The following RASA2 variants were observed in gnomAD, a reference collection of about 807,000 sequenced individuals.
RASA2 encodes the protein RAS p21 protein activator 2.
A neutral mutation model predicts 118.2 loss-of-function variants in RASA2; 155 were observed. The ratio of observed to expected loss-of-function variants is 1.31; its 90% CI spans 1.15 to 1.50. RASA2 has a LOEUF of 1.50. Ranked by LOEUF, RASA2 falls within the 40% of genes most tolerant of loss-of-function variation. RASA2 has a pLI of 0.00. For synonymous variants in RASA2, 353 were observed against 349.1 expected, an observed-to-expected ratio of 1.01 and a Z score of -0.12; for missense variants, 1,016 against 1,009.6, an observed-to-expected ratio of 1.01 and a Z score of -0.09.
intron 4 of RASA2, among the ~76,000 whole-genome samples, chr3:141,530,105 G>T (rs1025128814): frequency 1.3e-5 from 2 of 152,040 alleles, no homozygotes; most frequent in African/African-American, 4.8e-5. Context: ...AGTTTTAAGG[G>T]AAAATATGTG....
chr3:141,614,582 G>T lies in RASA2; in HGVS notation c.*2269G>T, dbSNP rs1312487593. Reference sequence around the variant, plus strand: ...TCATCCTAAAAACCTAAAAACTCCAGGAAGGAAAGAAAAGGATGATATGGG... The same window carrying T: ...TCATCCTAAAAACCTAAAAACTCCATGAAGGAAAGAAAAGGATGATATGGG... On this transcript the variant is annotated 3_prime_UTR_variant, in exon 24 of 24. Transcript: ENST00000286364. The T allele has an allele frequency of 1.3e-5, 2 of 152,126 alleles. No homozygotes were observed. The highest frequency in any genetic ancestry group is 1.5e-5 in the Non-Finnish European group (1 of 68,020). 9.4% of individuals were successfully genotyped at this position (152,126 alleles called of 1,614,324 possible). A position where few individuals can be genotyped will look rare whatever the true frequency, so the allele number is the denominator to read the frequency against.
intron 3 of RASA2, among the ~76,000 whole-genome samples, chr3:141,526,425 C>G (rs180714817): frequency 6.6e-6 from 1 of 151,834 alleles, no homozygotes; most frequent in Non-Finnish European, 1.5e-5. Flanking sequence ...TCTCATTTAT[C>G]CTTCCACCTT....
At chr3:141,612,199 A>G (rs1239167695) in intron 23 of RASA2, 84 bp from the exon 24 acceptor site, 7 of 1,063,838 alleles carry the variant, frequency 6.6e-6, no homozygotes, top group African/African-American at 1.6e-5. Context: ...GGAAAATTCT[A>G]AATACTTAAT....
intron 9 of RASA2, among the ~76,000 whole-genome samples, chr3:141,566,042 C>T (rs979150420): frequency 9.2e-5 from 14 of 152,122 alleles, no homozygotes; most frequent in Non-Finnish European, 2.1e-4. Flanking sequence ...TTAAAGCCTT[C>T]CTCCTTCTAT....
At chr3:141,519,496 T>A (rs2082079628) in intron 3 of RASA2, among the ~76,000 whole-genome samples, 1 of 152,224 alleles carries the variant, frequency 6.6e-6, no homozygotes, top group African/African-American at 2.4e-5. Flanking sequence ...ATATGTTAAC[T>A]TTTGTCAGCT....
At chr3:141,576,645 T>C (rs750892348) in intron 14 of RASA2, among the ~76,000 whole-genome samples, 9 of 152,252 alleles carry the variant, frequency 5.9e-5, no homozygotes, top group Admixed American at 2.0e-4. Context: ...TATCATACTC[T>C]TAAGGGATTC....
intron 6 of RASA2, among the ~76,000 whole-genome samples, chr3:141,555,271 AAAAAAT>A (rs145854098): frequency 0.13 from 19,559 of 152,122 alleles, 1,773 homozygotes; most frequent in East Asian, 0.24. Context: ...TCAAAAAACT[AAAAAAT>A]AAAAAGTCAC....
intron 5 of RASA2, among the ~76,000 whole-genome samples, chr3:141,550,120 A>G (rs1387710693): frequency 1.3e-5 from 2 of 152,178 alleles, no homozygotes; most frequent in African/African-American, 4.8e-5. Context: ...CATCACAATA[A>G]TAAGTGGGTG....
At chr3:141,605,400 A>C (rs184314917) in intron 19 of RASA2, among the ~76,000 whole-genome samples, 1 of 152,272 alleles carries the variant, frequency 6.6e-6, no homozygotes, top group East Asian at 1.9e-4. Context: ...CTCACATTGC[A>C]GTTCACTCCA....
chr3:141,586,501 A>G (rs1010441053), intron 18 of RASA2, 145 bp from the exon 19 acceptor site: 1 of 537,026 alleles, frequency 1.9e-6, no homozygotes, highest in African/African-American at 1.9e-5. Flanking sequence ...AATAAATGCA[A>G]CAGTCATGGA....
chr3:141,496,476 A>C (rs1275994035), intron 1 of RASA2, among the ~76,000 whole-genome samples: 1 of 152,144 alleles, frequency 6.6e-6, no homozygotes, highest in Admixed American at 6.5e-5. Flanking sequence ...TTACAAGAAA[A>C]AAACAACCCC....
chr3:141,512,421 T>C, intron 2 of RASA2, 141 bp downstream of exon 2: 1 of 613,632 alleles, frequency 1.6e-6, no homozygotes, highest in African/African-American at 2.0e-5. Context: ...TCAAAATGTA[T>C]CTTCCTCTTA....
chr3:141,568,710 T>A (rs1055224086), intron 9 of RASA2, among the ~76,000 whole-genome samples: 12 of 152,106 alleles, frequency 7.9e-5, no homozygotes, highest in African/African-American at 2.9e-4. Context: ...TCTTGAAGTT[T>A]GAGCTTCACT....
Position 141,516,425 on chromosome 3 carries a change from C to A in RASA2, c.349C>A (p.Arg117Ser). The change falls in exon 3 of 24, where the codon CGT (arginine) becomes AGT (serine). Residue 117 changes from arginine to serine, a missense_variant. By Grantham distance (110) the Arg-to-Ser change is moderately radical (BLOSUM62 -1). Around this residue, in one of 2 missense-constraint regions of RASA2, gnomAD observed 896 missense variants for 836.4 expected, o/e 1.07. Coordinates refer to ENST00000286364, the MANE Select transcript of RASA2 (RefSeq NM_006506.5). ...TAAGAATGTTTTACAAAGAGATCTC[C>A]GTATAGGTATGTACTATTCATAATT... ...YDKNVLQRDL[R>S]IGKVAIKKED... The A allele has an allele frequency of 6.5e-7, 1 of 1,531,742 alleles. No individual in the cohort carries two copies. The highest frequency in any genetic ancestry group is 1.3e-5 in the South Asian group (1 of 77,858). 94.9% of individuals were successfully genotyped at this position (1,531,742 alleles called of 1,614,324 possible). A position where few individuals can be genotyped will look rare whatever the true frequency, so the allele number is the denominator to read the frequency against.
At chr3:141,595,684 G>T (rs1409512217) in intron 19 of RASA2, among the ~76,000 whole-genome samples, 1 of 151,236 alleles carries the variant, frequency 6.6e-6, no homozygotes, top group Non-Finnish European at 1.5e-5. Context: ...TCCCAAGCTG[G>T]AGTGCACAGA....
chr3:141,539,731 C>T (rs141262493), intron 4 of RASA2, among the ~76,000 whole-genome samples: 133 of 152,286 alleles, frequency 8.7e-4, no homozygotes, highest in African/African-American at 2.2e-3. Context: ...TCATCACCAG[C>T]GGCAGGTTAG....
intron 1 of RASA2, among the ~76,000 whole-genome samples, chr3:141,489,439 T>C (rs1415248846): frequency 6.6e-6 from 1 of 151,944 alleles, no homozygotes; most frequent in African/African-American, 2.4e-5. Flanking sequence ...GTCACAGAAA[T>C]GAGATGGTGG....
At chr3:141,581,594 CA>C (rs1316766171) in intron 17 of RASA2, among the ~76,000 whole-genome samples, 1 of 152,180 alleles carries the variant, frequency 6.6e-6, no homozygotes, top group Non-Finnish European at 1.5e-5. Flanking sequence ...CAGGTATTGC[CA>C]AATGTTCCTT....
At chr3:141,590,445 T>C (rs942067308) in intron 19 of RASA2, among the ~76,000 whole-genome samples, 1 of 152,220 alleles carries the variant, frequency 6.6e-6, no homozygotes, top group African/African-American at 2.4e-5. Context: ...TTTTTTACAG[T>C]AGTGTCCTAT....
Sources: allele counts gnomAD v4.1 joint callset (sites outside exome capture counted in the v4.1 genomes callset), GRCh38; gene constraint gnomAD v4.1.1; regional missense constraint gnomAD v4.1.1; transcripts MANE v1.5; gene names NCBI Gene and HGNC (gene_info 2026-07-23, HGNC 2026-07-21).